Variants in C11orf65 observed in about 807,000 individuals in gnomAD.
C11orf65 encodes protein MFI.
A neutral mutation model predicts 35.3 loss-of-function variants in C11orf65; 38 were observed. The ratio of observed to expected loss-of-function variants is 1.08; its 90% confidence interval spans 0.83 to 1.41. C11orf65 has a LOEUF of 1.41. Among genes scored for constraint, C11orf65 ranks in the 40% most tolerant of loss-of-function variants. The probability of loss-of-function intolerance (pLI) is 0.00; values close to 1 mark genes in which losing one functional copy is unlikely to be tolerated. For missense variants in C11orf65, 370 were observed against 367.1 expected (o/e 1.01, Z -0.06); for synonymous variants, 105 against 114.4 (o/e 0.92, Z 0.53).
chr11:108,336,513 T>C (rs2086876657), intron 2 of C11orf65: 1 of 157,036 alleles, frequency 6.4e-6, no homozygotes, highest in Non-Finnish European at 1.4e-5. Context: ...TTTCTCATTT[T>C]TTAACAGCTG....
chr11:108,438,244 T>C (rs1481889177), intron 2 of C11orf65, among the ~76,000 whole-genome samples: 9 of 152,150 alleles, frequency 5.9e-5, no homozygotes, highest in Non-Finnish European at 5.9e-5. Flanking sequence ...ATATGCAACA[T>C]TAAATCAAAA....
At position 108,461,411 on chromosome 11, in the gene C11orf65, T is replaced by C. The variant is rs569459321; in HGVS notation, c.81+68A>G. 1.2e-5 allele frequency: 14 copies of C among 1,176,408 alleles called. No individual in the cohort carries two copies. In the African/African-American group the frequency reaches 1.9e-4, roughly 16 times the overall value. The allele number at this position is 1,176,408 out of a possible 1,614,324, so 72.9% of individuals were successfully genotyped here. ...AGAGATTCTGTCTTAAAAAAAAAAA[T>C]TGAACTGTACACTTTAAATTTTATG... On this transcript the variant is annotated intron_variant, in intron 2 of 8. Transcript: ENST00000393084.
chr11:108,388,257 G>A (rs569007826), intron 7 of C11orf65, among the ~76,000 whole-genome samples: 2 of 152,248 alleles, frequency 1.3e-5, no homozygotes, highest in African/African-American at 2.4e-5. Context: ...ATTAGCACAT[G>A]ACTTTTATTC....
At chr11:108,448,247 C>A (rs1235226348) in intron 2 of C11orf65, among the ~76,000 whole-genome samples, 1 of 152,110 alleles carries the variant, frequency 6.6e-6, no homozygotes, top group African/African-American at 2.4e-5. Flanking sequence ...CTATTCCAAT[C>A]AATAGAAAAA....
chr11:108,365,534 A>G (rs1247328981), intron 2 of C11orf65: 1 of 1,610,010 alleles, frequency 6.2e-7, no homozygotes, highest in Admixed American at 1.7e-5. Flanking sequence ...TTACCCTTTC[A>G]TTCAGCCTTT....
At chr11:108,439,664 T>C (rs1437319779) in intron 2 of C11orf65, among the ~76,000 whole-genome samples, 2 of 152,212 alleles carry the variant, frequency 1.3e-5, no homozygotes, top group African/African-American at 2.4e-5. Flanking sequence ...GAAATTCTGA[T>C]ACATGCTATA....
At chr11:108,336,150 A>G in intron 2 of C11orf65, 1 of 523,246 alleles carries the variant, frequency 1.9e-6, no homozygotes, top group Non-Finnish European at 3.4e-6. Context: ...TTAAAAAAAA[A>G]AAAAAAGCCA....
intron 2 of C11orf65, among the ~76,000 whole-genome samples, chr11:108,443,032 T>C (rs2093184136): frequency 6.6e-6 from 1 of 152,116 alleles, no homozygotes; most frequent in African/African-American, 2.4e-5. Flanking sequence ...GCAAATTGGA[T>C]AAAGATTCAA....
At chr11:108,464,005 C>A (rs931590785) in intron 1 of C11orf65, among the ~76,000 whole-genome samples, 1 of 149,592 alleles carries the variant, frequency 6.7e-6, no homozygotes, top group Admixed American at 6.8e-5. Context: ...CAGCTCACTG[C>A]AACCTCCACC....
At chr11:108,386,315 A>T (rs887723395) in intron 7 of C11orf65, among the ~76,000 whole-genome samples, 1 of 152,250 alleles carries the variant, frequency 6.6e-6, no homozygotes, top group Non-Finnish European at 1.5e-5. Context: ...AATAACATCC[A>T]AATTTAAAGC....
At chr11:108,326,333 AATTT>A (rs1206630563) in intron 6 of C11orf65, 3 of 1,385,542 alleles carry the variant, frequency 2.2e-6, no homozygotes, top group African/African-American at 1.5e-5. Flanking sequence ...TGAAATTAGT[AATTT>A]ATTAACAAGA....
At chr11:108,455,815 C>CAAAAAA (rs112701513) in intron 2 of C11orf65, among the ~76,000 whole-genome samples, 34 of 56,180 alleles carry the variant, frequency 6.1e-4, no homozygotes, top group African/African-American at 1.6e-3. Flanking sequence ...GACTCCACCT[C>CAAAAAA]AAAAAAAAAA....
intron 6 of C11orf65, among the ~76,000 whole-genome samples, chr11:108,402,029 T>C (rs2092448883): frequency 1.3e-5 from 2 of 152,236 alleles, no homozygotes; most frequent in Non-Finnish European, 2.9e-5. Flanking sequence ...CCTGGCAATG[T>C]AGATTAGTAA....
chr11:108,310,541 A>G (rs538567858), intron 6 of C11orf65, among the ~76,000 whole-genome samples: 1 of 152,198 alleles, frequency 6.6e-6, no homozygotes, highest in Admixed American at 6.5e-5. Flanking sequence ...AATTTAACAG[A>G]TAGCAAATTC....
intron 2 of C11orf65, among the ~76,000 whole-genome samples, chr11:108,343,816 G>C (rs2087924082): frequency 6.6e-6 from 1 of 152,030 alleles, no homozygotes; most frequent in South Asian, 2.1e-4. Context: ...ACAACAACAA[G>C]ATTATGAAGT....
At chr11:108,325,498 A>T (rs1565518950) in intron 6 of C11orf65, 1 of 1,612,854 alleles carries the variant, frequency 6.2e-7, no homozygotes, top group Non-Finnish European at 8.5e-7. Flanking sequence ...CTCACCAAAC[A>T]CCTTGTAGAA....
At chr11:108,394,570 C>G (rs2092259372) in intron 6 of C11orf65, among the ~76,000 whole-genome samples, 1 of 152,142 alleles carries the variant, frequency 6.6e-6, no homozygotes, top group African/African-American at 2.4e-5. Flanking sequence ...AGCTGAGTAA[C>G]TAGAGAGAAG....
intron 2 of C11orf65, among the ~76,000 whole-genome samples, chr11:108,433,330 C>T (rs2093018551): frequency 6.6e-6 from 1 of 151,290 alleles, no homozygotes; most frequent in South Asian, 2.1e-4. Flanking sequence ...ATAATCCCAG[C>T]ACTTTGGGAG....
chr11:108,338,952 T>G lies in C11orf65; in HGVS notation c.227-3660A>C, dbSNP rs532062629. Among the ~76,000 whole-genome samples, 4 of 152,288 alleles carry G rather than the reference T, an allele frequency of 2.6e-5. No homozygotes were observed. In the East Asian group the frequency reaches 5.8e-4, roughly 22 times the overall value. ...TCCCAATCCTGAGATTCAGGTCTTCTGTGGTCATTGTGTCAACAAGAGCAT... is the reference window on the plus strand; with the variant it reads ...TCCCAATCCTGAGATTCAGGTCTTCGGTGGTCATTGTGTCAACAAGAGCAT... On this transcript the variant is annotated intron_variant, in intron 2 of 3. Coordinates refer to the C11orf65 transcript ENST00000524755.
Sources: gnomAD v4.1 joint callset for allele counts (sites outside exome capture counted in the v4.1 genomes callset) on GRCh38, gnomAD v4.1.1 for gene constraint, MANE v1.5 for transcripts, NCBI Gene and HGNC (gene_info 2026-07-23, HGNC 2026-07-21) for gene names.